Variants in FANCD2 observed in about 807,000 individuals in gnomAD.
FANCD2 encodes Fanconi anemia group D2 protein.
Under a neutral mutation model 192.3 loss-of-function variants are expected in FANCD2, and 131 were observed. The observed-to-expected ratio is 0.68, with a 90% confidence interval of 0.59 to 0.79. FANCD2 has a LOEUF of 0.79. Among genes scored for constraint, FANCD2 ranks in the 30% least tolerant of loss-of-function variants. FANCD2 has a pLI of 0.00. For missense variants in FANCD2, 1,508 were observed against 1,701.6 expected, an observed-to-expected ratio of 0.89 and a Z score of 2.00; for synonymous variants, 524 against 612.5, an observed-to-expected ratio of 0.86 and a Z score of 2.13.
At chr3:10,072,281 T>C (rs375954) in intron 26 of FANCD2, among the ~76,000 whole-genome samples, 10 of 90,208 alleles carry the variant, frequency 1.1e-4, no homozygotes, top group African/African-American at 9.0e-4. Context: ...TACCTTTCCC[T>C]TTTTTTTTTT....
At chr3:10,037,191 A>G (rs1440460883) in intron 7 of FANCD2, among the ~76,000 whole-genome samples, 4 of 152,190 alleles carry the variant, frequency 2.6e-5, no homozygotes, top group African/African-American at 9.7e-5. Flanking sequence ...GACAAAGGTC[A>G]TGAACAGACA....
intron 11 of FANCD2, 55 bp downstream of exon 11, chr3:10,042,718 C>A: frequency 1.5e-6 from 2 of 1,333,626 alleles, no homozygotes; most frequent in Non-Finnish European, 2.2e-6. Context: ...GCCAATTGCT[C>A]TTCTCTGTCC....
At chr3:10,054,558 C>A (rs1261754228) in intron 18 of FANCD2, among the ~76,000 whole-genome samples, 4 of 131,908 alleles carry the variant, frequency 3.0e-5, no homozygotes, top group African/African-American at 1.1e-4. Flanking sequence ...ATCTCGGCTC[C>A]CTGCAAACTC....
At chr3:10,071,532 T>C (rs1219575336) in intron 26 of FANCD2, among the ~76,000 whole-genome samples, 2 of 152,194 alleles carry the variant, frequency 1.3e-5, no homozygotes, top group Non-Finnish European at 2.9e-5. Flanking sequence ...TCCTGTTGTT[T>C]GCAACAATAC....
chr3:10,094,865 C>A (rs1694858579), intron 40 of FANCD2: 1 of 384,166 alleles, frequency 2.6e-6, no homozygotes, highest in Admixed American at 3.8e-5. Context: ...AAAATACTCA[C>A]CATATTTGGT....
intron 42 of FANCD2, among the ~76,000 whole-genome samples, chr3:10,098,457 C>A (rs1695108879): frequency 6.6e-6 from 1 of 152,096 alleles, no homozygotes; most frequent in African/African-American, 2.4e-5. Context: ...TACAGTCTAG[C>A]CTTTTAAAAT....
intron 26 of FANCD2, among the ~76,000 whole-genome samples, chr3:10,070,492 C>T (rs1453706199): frequency 3.8e-5 from 4 of 105,244 alleles, no homozygotes; most frequent in African/African-American, 4.3e-5. Context: ...CCTCCCGGTC[C>T]GGGAGGGAGG....
chr3:10,075,752 A>T (rs1465565391), intron 29 of FANCD2, among the ~76,000 whole-genome samples: 15 of 94,610 alleles, frequency 1.6e-4, no homozygotes, highest in South Asian at 3.4e-4. Flanking sequence ...TTTTTTTGAG[A>T]TGGAGTCTCG....
intron 42 of FANCD2, among the ~76,000 whole-genome samples, chr3:10,096,904 G>A (rs945060883): frequency 5.3e-5 from 8 of 152,086 alleles, no homozygotes; most frequent in Admixed American, 4.6e-4. Context: ...GACCTGCCCC[G>A]ATAATCACGT....
intron 17 of FANCD2, among the ~76,000 whole-genome samples, chr3:10,051,417 G>C (rs1415108951): frequency 1.2e-4 from 1 of 8,522 alleles, no homozygotes; most frequent in Non-Finnish European, 2.2e-4. Flanking sequence ...ACAAAAAGGA[G>C]TGAGGGATTT....
chr3:10,080,986 T>A, intron 30 of FANCD2, 114 bp from the exon 31 acceptor site: 1 of 1,123,810 alleles, frequency 8.9e-7, no homozygotes, highest in Non-Finnish European at 1.3e-6. Flanking sequence ...ACAACTCATT[T>A]CTCCCATCTG....
At chr3:10,054,783 A>C (rs1319915443) in intron 18 of FANCD2, among the ~76,000 whole-genome samples, 2 of 151,672 alleles carry the variant, frequency 1.3e-5, no homozygotes, top group African/African-American at 4.8e-5. Context: ...GCACCCGGCC[A>C]CAACCATCAT....
chr3:10,060,441 A>C lies in FANCD2; in HGVS notation c.1766+38A>C, dbSNP rs774404399. 3.4e-6 allele frequency: 5 copies of C among 1,477,002 alleles called. No homozygotes were observed. In the Admixed American group the frequency reaches 6.7e-5, roughly 20 times the overall value. 91.5% of individuals were successfully genotyped at this position (1,477,002 alleles called of 1,614,324 possible). A position where few individuals can be genotyped will look rare whatever the true frequency, so the allele number is the denominator to read the frequency against. On this transcript the variant is annotated intron_variant, in intron 19 of 43. Transcript: ENST00000675286. Reference sequence around the variant, plus strand: ...ATTCTGACTTCTGTGGTTTAAGATCAGTTAATCTTGCTAACTAAGTGTTAC... The same window carrying C: ...ATTCTGACTTCTGTGGTTTAAGATCCGTTAATCTTGCTAACTAAGTGTTAC...
chr3:10,100,762 T>C, intron 43 of FANCD2, among the ~76,000 whole-genome samples: 1 of 152,146 alleles, frequency 6.6e-6, no homozygotes, highest in African/African-American at 2.4e-5. Flanking sequence ...TGGAGGACCA[T>C]AGCTTATTTA....
At chr3:10,091,833 G>A (rs537116660) in intron 37 of FANCD2, among the ~76,000 whole-genome samples, 1 of 152,340 alleles carries the variant, frequency 6.6e-6, no homozygotes, top group East Asian at 1.9e-4. Context: ...AGTGGCGCAC[G>A]TCTGTAATCT....
chr3:10,087,700 T>A (rs1452605017), intron 34 of FANCD2, among the ~76,000 whole-genome samples: 3 of 151,854 alleles, frequency 2.0e-5, no homozygotes, highest in African/African-American at 7.3e-5. Flanking sequence ...CAGGCTGGAG[T>A]GCAGTGGTGC....
intron 16 of FANCD2, among the ~76,000 whole-genome samples, chr3:10,048,806 G>A (rs1376907175): frequency 1.3e-5 from 2 of 152,278 alleles, no homozygotes; most frequent in East Asian, 1.9e-4. Flanking sequence ...TAGAGCAATA[G>A]TTGCAGCTGA....
In FANCD2 at chr3:10,039,863, C is replaced by T. The variant is rs767119830; in HGVS notation, c.695+18C>T. ...GAACTCAGGTGGATAAACCCTCTGT[C>T]ATCATCTAAGTGAGGCTCAGCTATG... On this transcript the variant is annotated intron_variant, in intron 9 of 43. Transcript: ENST00000675286. The T allele has an allele frequency of 5.6e-6, 9 of 1,613,796 alleles. No homozygotes were observed. Among genetic ancestry groups the T allele is most frequent in the Admixed American group, 1.7e-5 (1 of 59,964 alleles).
rs746015615 is a variant in FANCD2, at chr3:10,101,253, C to T, written c.4347C>T (p.Asp1449=). ...KEQDSDESYD[D]SD Reference sequence around the variant, plus strand: ...AAGATAGTGATGAGAGTTATGATGACTCTGATTAGACCCCAGATAAATTGT... The same window carrying T: ...AAGATAGTGATGAGAGTTATGATGATTCTGATTAGACCCCAGATAAATTGT... Residue 1449 remains aspartate (D), a synonymous_variant, in exon 44 of 44, where the codon GAC becomes GAT. Transcript: ENST00000675286. 1.9e-6 allele frequency: 3 copies of T among 1,610,536 alleles called. No individual in the cohort carries two copies. The highest frequency in any genetic ancestry group is 3.3e-5 in the Admixed American group (2 of 59,970).
Sources: allele counts gnomAD v4.1 joint callset (sites outside exome capture counted in the v4.1 genomes callset), GRCh38; gene constraint gnomAD v4.1.1; transcripts MANE v1.5; gene names NCBI Gene and HGNC (gene_info 2026-07-23, HGNC 2026-07-21).